RPS6KC1: variants seen among roughly 807,000 people sequenced by gnomAD.
RPS6KC1 encodes inactive ribosomal protein S6 kinase delta-1.
A neutral mutation model predicts 103.8 loss-of-function variants in RPS6KC1; 54 were observed. That is an observed-to-expected ratio of 0.52 (90% CI 0.42 to 0.65). RPS6KC1 has a LOEUF of 0.65. Among genes scored for constraint, RPS6KC1 ranks in the 30% least tolerant of loss-of-function variants. The pLI is 0.00. For missense variants in RPS6KC1, 1,151 were observed against 1,253.8 expected (o/e 0.92, Z 1.24); for synonymous variants, 439 against 438.7 (o/e 1.00, Z -0.01).
the RPS6KC1 span, among the ~76,000 whole-genome samples, chr1:213,846,595 A>G: frequency 2.0e-5 from 3 of 152,336 alleles, no homozygotes; most frequent in Non-Finnish European, 2.9e-5. Flanking sequence ...ACATCAAGAT[A>G]TAGTAAAGGT....
intron 6 of RPS6KC1, among the ~76,000 whole-genome samples, chr1:213,141,610 C>T (rs946243889): frequency 2.6e-5 from 4 of 151,632 alleles, no homozygotes; most frequent in Non-Finnish European, 5.9e-5. Context: ...TATGGTTTTT[C>T]TCATCTCCAT....
At chr1:213,673,680 A>G in the RPS6KC1 span, among the ~76,000 whole-genome samples, 7 of 152,180 alleles carry the variant, frequency 4.6e-5, no homozygotes, top group African/African-American at 1.7e-4. Context: ...TGCCTGTATT[A>G]TGTGGTTTCA....
At chr1:213,486,500 G>A in the RPS6KC1 span, among the ~76,000 whole-genome samples, 1 of 151,856 alleles carries the variant, frequency 6.6e-6, no homozygotes, top group African/African-American at 2.4e-5. Flanking sequence ...GGGCCAGAGA[G>A]CAGGTGTCAG....
the RPS6KC1 span, among the ~76,000 whole-genome samples, chr1:213,595,023 C>A: frequency 6.6e-6 from 1 of 152,084 alleles, no homozygotes; most frequent in African/African-American, 2.4e-5. Flanking sequence ...AGGAAGAGTG[C>A]CGTTCCAGAA....
At chr1:213,276,474 T>G (rs1048415845), downstream of RPS6KC1, among the ~76,000 whole-genome samples, 2 of 152,202 alleles carry the variant, frequency 1.3e-5, no homozygotes, top group African/African-American at 4.8e-5. Flanking sequence ...TAATTAGCCA[T>G]GTAACCTTAA....
chr1:213,760,004 C>G, the RPS6KC1 span, among the ~76,000 whole-genome samples: 1 of 152,180 alleles, frequency 6.6e-6, no homozygotes, highest in Non-Finnish European at 1.5e-5. Context: ...CTTTCCCCCT[C>G]GTTCCCTGCA....
At chr1:213,220,275 GA>G (rs1261086754) in intron 8 of RPS6KC1, among the ~76,000 whole-genome samples, 3 of 151,968 alleles carry the variant, frequency 2.0e-5, no homozygotes, top group African/African-American at 7.3e-5. Flanking sequence ...AAGCATTGTA[GA>G]ATCTAAAAAT....
At chr1:213,547,973 T>A in the RPS6KC1 span, among the ~76,000 whole-genome samples, 1 of 152,318 alleles carries the variant, frequency 6.6e-6, no homozygotes, top group East Asian at 1.9e-4. Flanking sequence ...CCAGGACATG[T>A]GTACAAGGAT....
chr1:213,521,296 CTATT>C, the RPS6KC1 span, among the ~76,000 whole-genome samples: 1 of 152,178 alleles, frequency 6.6e-6, no homozygotes, highest in East Asian at 1.9e-4. Flanking sequence ...ATACTGTAGT[CTATT>C]AAGTATGTAA....
At chr1:213,152,975 CA>C in intron 6 of RPS6KC1, among the ~76,000 whole-genome samples, 1 of 152,352 alleles carries the variant, frequency 6.6e-6, no homozygotes, top group South Asian at 2.1e-4. Context: ...AACGAGACTC[CA>C]TCTGCAATCC....
At chr1:213,440,036 A>T in the RPS6KC1 span, among the ~76,000 whole-genome samples, 1 of 152,184 alleles carries the variant, frequency 6.6e-6, no homozygotes, top group African/African-American at 2.4e-5. Flanking sequence ...TGTTGGTTTG[A>T]TTATGACATG....
chr1:213,421,497 T>C, the RPS6KC1 span, among the ~76,000 whole-genome samples: 1 of 152,218 alleles, frequency 6.6e-6, no homozygotes. Context: ...GTTAGCCACT[T>C]GTAAAATTTG....
chr1:213,499,077 G>C, the RPS6KC1 span, among the ~76,000 whole-genome samples: 1 of 152,122 alleles, frequency 6.6e-6, no homozygotes, highest in East Asian at 1.9e-4. Flanking sequence ...ACCGTGCCCG[G>C]CCAGATTAAT....
At chr1:213,160,428 A>G (rs140733904) in intron 6 of RPS6KC1, among the ~76,000 whole-genome samples, 1 of 152,348 alleles carries the variant, frequency 6.6e-6, no homozygotes, top group East Asian at 1.9e-4. Context: ...TAGTCCAATC[A>G]TGCATCTTTT....
At chr1:213,585,334 T>G in the RPS6KC1 span, among the ~76,000 whole-genome samples, 1 of 152,132 alleles carries the variant, frequency 6.6e-6, no homozygotes, top group African/African-American at 2.4e-5. Flanking sequence ...CGGGGATGCA[T>G]GGGGTCAGCC....
At chr1:213,153,272 G>C (rs2089463311) in intron 6 of RPS6KC1, among the ~76,000 whole-genome samples, 1 of 151,340 alleles carries the variant, frequency 6.6e-6, no homozygotes, top group Admixed American at 6.6e-5. Context: ...GGGAGAGGGA[G>C]AGGCAAAGGC....
At chr1:213,104,212 G>T (rs1237619016) in intron 3 of RPS6KC1, among the ~76,000 whole-genome samples, 1 of 152,140 alleles carries the variant, frequency 6.6e-6, no homozygotes, top group Admixed American at 6.5e-5. Context: ...TCTAAATTAT[G>T]AATGTACCAT....
At chr1:213,587,680 A>G in the RPS6KC1 span, among the ~76,000 whole-genome samples, 1 of 152,228 alleles carries the variant, frequency 6.6e-6, no homozygotes, top group Non-Finnish European at 1.5e-5. Flanking sequence ...AAACATTGGA[A>G]TAAGGGGACC....
At chr1:213,555,364 G>A in the RPS6KC1 span, among the ~76,000 whole-genome samples, 17 of 152,354 alleles carry the variant, frequency 1.1e-4, no homozygotes, top group African/African-American at 3.6e-4. Context: ...TGCTGCTGAA[G>A]ATATCTATCT....
Sources: gnomAD v4.1 joint callset for allele counts (sites outside exome capture counted in the v4.1 genomes callset) on GRCh38, gnomAD v4.1.1 for gene constraint, MANE v1.5 for transcripts, NCBI Gene and HGNC (gene_info 2026-07-23, HGNC 2026-07-21) for gene names.